PCDHA1: variants seen among roughly 807,000 people sequenced by gnomAD.
PCDHA1 encodes protocadherin alpha 1.
PCDHA1 carries 42 observed loss-of-function variants against 61.3 expected under a neutral mutation model. That is an observed-to-expected ratio of 0.69 (90% confidence interval 0.54 to 0.89). The LOEUF is 0.89. PCDHA1 is among the 40% of genes least tolerant of loss of function. PCDHA1 has a pLI of 0.00. For missense variants in PCDHA1, 1,256 were observed against 1,235.3 expected, an observed-to-expected ratio of 1.02 and a Z score of -0.25; for synonymous variants, 610 against 553.8, an observed-to-expected ratio of 1.10 and a Z score of -1.43.
intron 1 of PCDHA1, chr5:140,843,527 A>T (rs2150362053): frequency 6.3e-7 from 1 of 1,595,944 alleles, no homozygotes; most frequent in East Asian, 2.2e-5. Flanking sequence ...CCGGGCGGGC[A>T]AGCCCACTCT....
intron 1 of PCDHA1, among the ~76,000 whole-genome samples, chr5:140,972,152 A>T (rs1481801555): frequency 6.6e-6 from 1 of 151,770 alleles, no homozygotes; most frequent in African/African-American, 2.4e-5. Context: ...TTTTATTTTT[A>T]TTTTTTTGAG....
At chr5:140,813,888 A>G (rs1342935380) in intron 1 of PCDHA1, 1 of 152,312 alleles carries the variant, frequency 6.6e-6, no homozygotes, top group Non-Finnish European at 1.5e-5. Context: ...AGTTCCAGCT[A>G]CTCAGGAGGC....
intron 1 of PCDHA1, chr5:140,966,838 G>T: frequency 6.4e-7 from 1 of 1,566,772 alleles, no homozygotes. Flanking sequence ...CCTGGCTGCT[G>T]CTACTGCCTC....
intron 1 of PCDHA1, chr5:140,828,496 A>G: frequency 1.9e-6 from 3 of 1,614,252 alleles, no homozygotes; most frequent in Non-Finnish European, 2.5e-6. Flanking sequence ...TGTTCCCGGT[A>G]GAGGAACAAA....
At chr5:140,981,849 T>C (rs1460050544) in intron 2 of PCDHA1, among the ~76,000 whole-genome samples, 2 of 152,202 alleles carry the variant, frequency 1.3e-5, no homozygotes, top group African/African-American at 4.8e-5. Flanking sequence ...AGTTTGTATC[T>C]CACTCCCAGC....
At chr5:140,796,260 G>T (rs1554119795) in intron 1 of PCDHA1, 1 of 1,614,096 alleles carries the variant, frequency 6.2e-7, no homozygotes, top group East Asian at 2.2e-5. Flanking sequence ...ACGGGGGCTC[G>T]CCTTCACTGT....
intron 1 of PCDHA1, chr5:140,882,691 C>G (rs201544181): frequency 1.2e-6 from 2 of 1,614,216 alleles, no homozygotes; most frequent in Admixed American, 1.7e-5. Context: ...AACGAATAAT[C>G]ATTGCAGAAT....
In PCDHA1 at chr5:140,946,774, T is replaced by G. The variant is rs57013515; in HGVS notation, c.2395-32175T>G. On this transcript the variant is annotated intron_variant, in intron 1 of 3. Coordinates refer to ENST00000504120, the MANE Select transcript of PCDHA1 (RefSeq NM_018900.4). ...TGCATGATCTCATTCATGTGGAATGTAAAAAAGCTGATCTTATAGAAGCAG... is the reference window on the plus strand; with the variant it reads ...TGCATGATCTCATTCATGTGGAATGGAAAAAAGCTGATCTTATAGAAGCAG... Among the ~76,000 whole-genome samples, 481 of 151,404 alleles carry G rather than the reference T, an allele frequency of 3.2e-3. 2 individuals are homozygous for G. Among genetic ancestry groups the G allele is most frequent in the African/African-American group, 0.011 (462 of 41,264 alleles).
At chr5:140,882,452 C>A (rs782448323) in intron 1 of PCDHA1, 1 of 1,614,042 alleles carries the variant, frequency 6.2e-7, no homozygotes, top group East Asian at 2.2e-5. Context: ...GCTGGTGCCG[C>A]GCCTGTTCCG....
chr5:140,966,727 C>T (rs1330950109), intron 1 of PCDHA1: 4 of 1,405,404 alleles, frequency 2.8e-6, no homozygotes, highest in East Asian at 2.8e-5. Context: ...AAGCTGCCGC[C>T]TCCGGCCCTG....
intron 1 of PCDHA1, among the ~76,000 whole-genome samples, chr5:140,910,047 A>G (rs1454501128): frequency 2.0e-5 from 3 of 152,208 alleles, no homozygotes; most frequent in African/African-American, 4.8e-5. Context: ...CTTGGTCATA[A>G]TAAGTGATCT....
chr5:140,871,762 G>A (rs2053295572), intron 1 of PCDHA1, among the ~76,000 whole-genome samples: 1 of 152,200 alleles, frequency 6.6e-6, no homozygotes, highest in South Asian at 2.1e-4. Flanking sequence ...AGATGCAAGA[G>A]TGACTCTTCT....
intron 1 of PCDHA1, among the ~76,000 whole-genome samples, chr5:140,873,864 T>C (rs1275090016): frequency 6.6e-6 from 1 of 152,210 alleles, no homozygotes; most frequent in African/African-American, 2.4e-5. Context: ...TTTCACCATG[T>C]TGGCCAGGCT....
At chr5:140,954,476 G>C (rs1467215585) in intron 1 of PCDHA1, among the ~76,000 whole-genome samples, 1 of 152,192 alleles carries the variant, frequency 6.6e-6, no homozygotes, top group Non-Finnish European at 1.5e-5. Context: ...ACTGGTGTGA[G>C]AAGATATTTC....
In PCDHA1 at chr5:140,835,510, A is replaced by C. The variant is rs145294768; in HGVS notation, c.2394+46826A>C. On this transcript the variant is annotated intron_variant, in intron 1 of 3. Transcript: ENST00000504120. Reference sequence around the variant, plus strand: ...GTCATCACATTGATTAGCGTGTTTGACCGAGATTTTGGAGTCAACGGACAG... The same window carrying C: ...GTCATCACATTGATTAGCGTGTTTGCCCGAGATTTTGGAGTCAACGGACAG... The C allele has an allele frequency of 3.4e-5, 55 of 1,613,788 alleles. 1 individual carries two copies. The highest frequency in any genetic ancestry group is 4.6e-5 in the Non-Finnish European group (54 of 1,179,878).
intron 3 of PCDHA1, among the ~76,000 whole-genome samples, chr5:141,000,423 T>TC (rs2097932931): frequency 9.0e-5 from 6 of 66,856 alleles, no homozygotes; most frequent in African/African-American, 3.6e-4. Flanking sequence ...ATATATATAT[T>TC]TTTTTTTTTT....
At chr5:140,850,328 GCAGCC>G (rs2150480020) in intron 1 of PCDHA1, 3 of 1,597,678 alleles carry the variant, frequency 1.9e-6, no homozygotes, top group South Asian at 2.2e-5. Context: ...CATACGAGCT[GCAGCC>G]AGAAACGGCC....
chr5:140,882,545 G>A (rs1174281421), intron 1 of PCDHA1: 4 of 1,614,238 alleles, frequency 2.5e-6, no homozygotes. Context: ...GATCGACCGC[G>A]AGGAGCTGTG....
intron 1 of PCDHA1, among the ~76,000 whole-genome samples, chr5:140,942,360 G>A (rs782168150): frequency 4.0e-5 from 6 of 151,816 alleles, no homozygotes; most frequent in Admixed American, 3.3e-4. Context: ...TGCAGTTAAC[G>A]GAGATTGCAC....
Sources: gnomAD v4.1 joint callset for allele counts (sites outside exome capture counted in the v4.1 genomes callset) on GRCh38, gnomAD v4.1.1 for gene constraint, MANE v1.5 for transcripts, NCBI Gene and HGNC (gene_info 2026-07-23, HGNC 2026-07-21) for gene names.